Variants in USP20 observed in about 807,000 individuals in gnomAD.
USP20 encodes ubiquitin carboxyl-terminal hydrolase 20.
A neutral mutation model predicts 124.2 loss-of-function variants in USP20; 80 were observed. The observed-to-expected ratio is 0.64, with a 90% CI of 0.54 to 0.78. The LOEUF (loss-of-function observed/expected upper bound fraction) is 0.78, where lower values mean the gene tolerates loss of function less well. USP20 is among the 30% of genes least tolerant of loss of function. The probability of loss-of-function intolerance (pLI) is 0.00; values close to 1 mark genes in which losing one functional copy is unlikely to be tolerated. For missense variants in USP20, 1,043 were observed against 1,244.4 expected, an observed-to-expected ratio of 0.84 and a Z score of 2.44; for synonymous variants, 481 against 512.3, an observed-to-expected ratio of 0.94 and a Z score of 0.83.
Position 129,868,536 on chromosome 9 carries a change from C to T in USP20, c.1135+87C>T, listed in dbSNP as rs893862192. 68 of 1,482,482 alleles carry T rather than the reference C, an allele frequency of 4.6e-5. No homozygotes were observed. In the African/African-American group the frequency reaches 4.7e-4, roughly 10 times the overall value. The allele number at this position is 1,482,482 out of a possible 1,614,324, so 91.8% of individuals were successfully genotyped here. A position where few individuals can be genotyped will look rare whatever the true frequency, so the allele number is the denominator to read the frequency against. On this transcript the variant is annotated intron_variant, in intron 11 of 25. Transcript: ENST00000372429. ...CTGAGCGCCGACCTGCAGTAGCCCCCGGGGGACGGGTTCTTCACTAGACCC... is the reference window on the plus strand; with the variant it reads ...CTGAGCGCCGACCTGCAGTAGCCCCTGGGGGACGGGTTCTTCACTAGACCC...
intron 1 of USP20, among the ~76,000 whole-genome samples, chr9:129,837,027 A>G (rs1372981794): frequency 6.6e-6 from 1 of 152,222 alleles, no homozygotes; most frequent in Non-Finnish European, 1.5e-5. Context: ...CTGAAGTCCC[A>G]GGGTACAGAT....
chr9:129,866,723 C>T (rs753857009), intron 10 of USP20, among the ~76,000 whole-genome samples: 5 of 152,310 alleles, frequency 3.3e-5, no homozygotes, highest in African/African-American at 4.8e-5. Flanking sequence ...CAGCTGCGGG[C>T]GCCTCTTAAG....
At position 129,852,555 on chromosome 9, in the gene USP20, G is replaced by T. The variant is rs1415348714; in HGVS notation, c.-1G>T. 2 of 1,593,824 alleles carry T rather than the reference G, an allele frequency of 1.3e-6. No individual in the cohort carries two copies. The highest frequency in any genetic ancestry group is 1.1e-5 in the South Asian group (1 of 87,782). On this transcript the variant is annotated 5_prime_UTR_variant, in exon 3 of 26. Coordinates refer to ENST00000372429, the MANE Select transcript of USP20 (RefSeq NM_001110303.4). ...CTTCTCATAGGTGAGCCCAGGCCAGGATGGGGGACTCCAGGGACCTTTGCC... is the reference window on the plus strand; with the variant it reads ...CTTCTCATAGGTGAGCCCAGGCCAGTATGGGGGACTCCAGGGACCTTTGCC...
chr9:129,869,265 G>A (rs368351943), intron 12 of USP20, 45 bp from the exon 13 acceptor site: 80 of 1,574,466 alleles, frequency 5.1e-5, no homozygotes, highest in East Asian at 1.4e-4. Flanking sequence ...ACCTCGCCCC[G>A]GCCAGGCAGG....
At chr9:129,837,904 T>A (rs2031958698) in intron 1 of USP20, among the ~76,000 whole-genome samples, 1 of 152,168 alleles carries the variant, frequency 6.6e-6, no homozygotes, top group African/African-American at 2.4e-5. Context: ...TGAACTCAAG[T>A]CCTGATTGTG....
intron 6 of USP20, among the ~76,000 whole-genome samples, chr9:129,860,014 G>A (rs1170652096): frequency 6.8e-6 from 1 of 147,680 alleles, no homozygotes; most frequent in Non-Finnish European, 1.5e-5. Context: ...CCTGGGCGAC[G>A]AGCAAGACTC....
At chr9:129,876,104 G>GTC (rs1306284508) in intron 21 of USP20, 26 bp from the exon 22 acceptor site, 1 of 1,595,364 alleles carries the variant, frequency 6.3e-7, no homozygotes, top group South Asian at 1.1e-5. Context: ...CTCAGGCCGT[G>GTC]TCTCTCTCTC....
intron 7 of USP20, 131 bp downstream of exon 7, chr9:129,861,164 A>G: frequency 1.1e-6 from 1 of 876,158 alleles, no homozygotes; most frequent in Non-Finnish European, 1.8e-6. Context: ...GTGACGGATA[A>G]GCTGTTTAGC....
intron 11 of USP20, 58 bp downstream of exon 11, chr9:129,868,507 G>T: frequency 6.5e-7 from 1 of 1,538,978 alleles, no homozygotes; most frequent in Non-Finnish European, 8.7e-7. Context: ...GTACCTACCG[G>T]GTGCTGAGCG....
chr9:129,868,370 T>C lies in USP20; in HGVS notation c.1056T>C (p.Thr352=), dbSNP rs575595504. ...TGGACGAGGACGCTGATGTGGACACTGCCATGGCTGCCCTTGACGACCAGC... is the reference window on the plus strand; with the variant it reads ...TGGACGAGGACGCTGATGTGGACACCGCCATGGCTGCCCTTGACGACCAGC... The part of the protein sequence containing the change: ...EQVDEDADVD[T]AMAALDDQPA... Residue 352 remains threonine (T), a synonymous_variant, in exon 11 of 26, where the codon ACT becomes ACC. Transcript: ENST00000372429. The C allele has an allele frequency of 2.8e-5, 44 of 1,558,376 alleles. No individual in the cohort carries two copies. In the East Asian group the frequency reaches 9.7e-4, roughly 34 times the overall value.
chr9:129,852,841 G>A (rs1017093897), intron 3 of USP20, among the ~76,000 whole-genome samples: 1 of 152,128 alleles, frequency 6.6e-6, no homozygotes, highest in African/African-American at 2.4e-5. Flanking sequence ...TTTAGACAAG[G>A]CCATTTGGGA....
At chr9:129,875,766 G>A in intron 21 of USP20, 125 bp downstream of exon 21, 1 of 869,698 alleles carries the variant, frequency 1.1e-6, no homozygotes, top group Non-Finnish European at 1.8e-6. Flanking sequence ...CACGTGGGCA[G>A]CACAGAGCCG....
At chr9:129,838,244 G>A (rs969142723) in intron 1 of USP20, among the ~76,000 whole-genome samples, 21 of 152,126 alleles carry the variant, frequency 1.4e-4, no homozygotes, top group Non-Finnish European at 2.9e-4. Context: ...GTTTCACCAT[G>A]TTGGCCAGGC....
At chr9:129,870,740 C>T (rs761796492) in intron 15 of USP20, among the ~76,000 whole-genome samples, 193 bp downstream of exon 15, 1 of 152,280 alleles carries the variant, frequency 6.6e-6, no homozygotes, top group Non-Finnish European at 1.5e-5. Flanking sequence ...TGTGCTATCC[C>T]AACCCCATCA....
In USP20 at chr9:129,869,841, G is replaced by A. The variant is rs778547798; in HGVS notation, c.1562G>A (p.Arg521Gln). The A allele has an allele frequency of 3.1e-6, 5 of 1,612,826 alleles. No homozygotes were observed. Among genetic ancestry groups the A allele is most frequent in the African/African-American group, 1.3e-5 (1 of 74,772 alleles). Residue 521 changes from arginine (R) to glutamine (Q), a missense_variant, in exon 14 of 26, where the codon CGA becomes CAA. Arg to Gln is a conservative substitution (Grantham distance 43). Coordinates refer to ENST00000372429, the MANE Select transcript of USP20 (RefSeq NM_001110303.4). ...GWLAFIVEYI[R>Q]RFVVSCTPSW... The stretch of plus-strand genomic sequence containing the variant: ...CTGGCCTTCATTGTGGAGTACATCC[G>A]ACGGTGCGCCCACCTTGCCACTACT...
At chr9:129,878,136 GT>G (rs1460114159) in intron 22 of USP20, among the ~76,000 whole-genome samples, 1 of 152,224 alleles carries the variant, frequency 6.6e-6, no homozygotes, top group East Asian at 1.9e-4. Flanking sequence ...CCCACAAAAT[GT>G]TACCACCGTC....
chr9:129,860,028 C>A (rs1270156848), intron 6 of USP20, among the ~76,000 whole-genome samples: 1 of 150,452 alleles, frequency 6.6e-6, no homozygotes, highest in East Asian at 2.0e-4. Context: ...AAGACTCTAT[C>A]TCTTAAAAAA....
chr9:129,870,457 G>A lies in USP20; in HGVS notation c.1570G>A (p.Val524Met), dbSNP rs770710065. ...AFIVEYIRRFVVSCTPSWFWG... is the reference protein window; with the variant it reads ...AFIVEYIRRFMVSCTPSWFWG... The stretch of plus-strand genomic sequence containing the variant: ...GCACTCCTTTTCTGTCTGTAGGTTT[G>A]TGGTATCCTGTACCCCCAGCTGGTT... Residue 524 changes from valine to methionine, a missense_variant, in exon 15 of 26, where the codon GTG (valine) becomes ATG (methionine). By Grantham distance (21) the Val-to-Met change is conservative. Coordinates refer to ENST00000372429, the MANE Select transcript of USP20 (RefSeq NM_001110303.4). 5.0e-6 allele frequency: 8 copies of A among 1,614,074 alleles called. No homozygotes were observed. Among genetic ancestry groups the A allele is most frequent in the Non-Finnish European group, 5.9e-6 (7 of 1,179,978 alleles).
intron 6 of USP20, among the ~76,000 whole-genome samples, chr9:129,859,255 ATTTATTTTAT>A (rs71385479): frequency 5.8e-5 from 4 of 69,392 alleles, no homozygotes; most frequent in Non-Finnish European, 1.3e-4. Flanking sequence ...TCTCTCCTCC[ATTTATTTTAT>A]TTTATTTTAT....
Sources: gnomAD v4.1 joint callset for allele counts (sites outside exome capture counted in the v4.1 genomes callset) on GRCh38, gnomAD v4.1.1 for gene constraint, MANE v1.5 for transcripts, NCBI Gene and HGNC (gene_info 2026-07-23, HGNC 2026-07-21) for gene names.